The following HOOK1 variants were observed in gnomAD, a reference collection of about 807,000 sequenced individuals.
HOOK1 encodes the protein hook microtubule tethering protein 1.
Under a neutral mutation model 112.8 loss-of-function variants are expected in HOOK1, and 60 were observed. The observed-to-expected ratio is 0.53, with a 90% confidence interval of 0.43 to 0.66. HOOK1 has a LOEUF of 0.66. HOOK1 is among the 30% of genes least tolerant of loss of function. The pLI is 0.00. For missense variants in HOOK1, 770 were observed against 856.0 expected (o/e 0.90, Z 1.25); for synonymous variants, 294 against 283.8 (o/e 1.04, Z -0.36).
chr1:59,845,265 C>A (rs1303005903), intron 9 of HOOK1, among the ~76,000 whole-genome samples: 1 of 152,006 alleles, frequency 6.6e-6, no homozygotes, highest in Non-Finnish European at 1.5e-5. Context: ...TCCCAAACGG[C>A]CCCACCTCTT....
rs115518899 is a variant in HOOK1 at position 59,843,025 on chromosome 1, C to T, written c.622-407C>T. Among the ~76,000 whole-genome samples the T allele has an allele frequency of 4.5e-3, 682 of 152,010 alleles. 4 individuals are homozygous for T. The highest frequency in any genetic ancestry group is 0.016 in the African/African-American group (652 of 41,496). On this transcript the variant is annotated intron_variant, in intron 8 of 21. Transcript: ENST00000371208. ...TTATACTCTCAACCTATCATGATAA[C>T]TTTGAACATATGTGTGTATATTTTG...
At chr1:59,844,908 C>G (rs981783465) in intron 9 of HOOK1, among the ~76,000 whole-genome samples, 2 of 151,884 alleles carry the variant, frequency 1.3e-5, no homozygotes, top group Non-Finnish European at 2.9e-5. Context: ...GATCTTACAC[C>G]TTGAAACTTG....
intron 21 of HOOK1, among the ~76,000 whole-genome samples, chr1:59,871,718 T>A (rs1417915229): frequency 6.6e-6 from 1 of 152,240 alleles, no homozygotes; most frequent in Non-Finnish European, 1.5e-5. Context: ...ATTATTCTAG[T>A]CAGCCAGAAT....
chr1:59,842,994 A>T (rs2098401771), intron 8 of HOOK1, among the ~76,000 whole-genome samples: 1 of 152,022 alleles, frequency 6.6e-6, no homozygotes, highest in Non-Finnish European at 1.5e-5. Context: ...TATGTGACTG[A>T]TAATTTTATA....
intron 9 of HOOK1, among the ~76,000 whole-genome samples, chr1:59,846,539 C>A (rs2098403908): frequency 9.2e-5 from 2 of 21,772 alleles, no homozygotes; most frequent in Non-Finnish European, 1.8e-4. Context: ...TCCTTCCTTC[C>A]TTCCTTCCTT....
In HOOK1 at chr1:59,849,139, A is replaced by G. The variant is rs748146802; in HGVS notation, c.1198A>G (p.Lys400Glu). 5.6e-6 allele frequency: 9 copies of G among 1,609,794 alleles called. No homozygotes were observed. The South Asian group carries it at 7.7e-5, about 14-fold the overall frequency. ...KRADTLAFEMKRLEEKHEALL... is the reference protein window; with the variant it reads ...KRADTLAFEMERLEEKHEALL... Reference sequence around the variant, plus strand: ...GGCAGACACACTAGCGTTTGAAATGAAGCGGCTTGAAGAAAAACATGAAGC... The same window carrying G: ...GGCAGACACACTAGCGTTTGAAATGGAGCGGCTTGAAGAAAAACATGAAGC... Residue 400 changes from lysine to glutamate, a missense_variant, in exon 12 of 22, where the codon AAG (lysine) becomes GAG (glutamate). Physicochemically the swap from Lys to Glu is moderately conservative, Grantham distance 56. Around this residue, in one of 3 missense-constraint regions of HOOK1, gnomAD observed 655 missense variants for 725.9 expected, o/e 0.90. Coordinates refer to ENST00000371208, the MANE Select transcript of HOOK1 (RefSeq NM_015888.6).
At chr1:59,857,346 C>T (rs1026436933) in intron 12 of HOOK1, among the ~76,000 whole-genome samples, 4 of 152,124 alleles carry the variant, frequency 2.6e-5, no homozygotes, top group Non-Finnish European at 5.9e-5. Context: ...GCTGGGGAGA[C>T]GGGAATCATA....
In HOOK1 at chr1:59,826,414, G is replaced by T. The variant is rs2098389980; in HGVS notation, c.150-2366G>T. Among the ~76,000 whole-genome samples, 2 of 152,062 alleles carry T rather than the reference G, an allele frequency of 1.3e-5. 1 individual carries two copies. The highest frequency in any genetic ancestry group is 4.1e-4 in the South Asian group (2 of 4,820). ...AGTTTAATAGTGGAAAAGGTTGACT[G>T]CCATTATAGTTGTTTGAGAAGGGTG... is the stretch of plus-strand genomic sequence containing the variant. On this transcript the variant is annotated intron_variant, in intron 2 of 21. Coordinates refer to ENST00000371208, the MANE Select transcript of HOOK1 (RefSeq NM_015888.6).
At chr1:59,841,679 G>A (rs1352719846) in intron 8 of HOOK1, among the ~76,000 whole-genome samples, 1 of 151,952 alleles carries the variant, frequency 6.6e-6, no homozygotes, top group South Asian at 2.1e-4. Context: ...ATACCTTGTA[G>A]GAAAAACAGA....
At chr1:59,821,793 C>T (rs1201212387) in intron 1 of HOOK1, 65 bp from the exon 2 acceptor site, 6 of 1,103,690 alleles carry the variant, frequency 5.4e-6, no homozygotes, top group Non-Finnish European at 6.3e-6. Flanking sequence ...TTTATGTTTG[C>T]ATTTTGTAAT....
At chr1:59,847,245 T>C (rs1001424917) in intron 10 of HOOK1, 60 bp downstream of exon 10, 4 of 1,374,998 alleles carry the variant, frequency 2.9e-6, no homozygotes, top group Non-Finnish European at 4.0e-6. Context: ...TCAATTTGAG[T>C]ATTTCATATT....
In HOOK1 at chr1:59,868,359, T is replaced by C. The variant is rs943374811; in HGVS notation, c.1947+8T>C. On this transcript the variant is annotated splice_region_variant and intron_variant, in intron 20 of 21. Coordinates refer to ENST00000371208, the MANE Select transcript of HOOK1 (RefSeq NM_015888.6). ...AGAATTGAGATTCTGGAGGTAAAACTTTTATATTTACTCATCTTTTAGTTA... is the reference window on the plus strand; with the variant it reads ...AGAATTGAGATTCTGGAGGTAAAACCTTTATATTTACTCATCTTTTAGTTA... 2.0e-6 allele frequency: 3 copies of C among 1,463,434 alleles called. No individual in the cohort carries two copies. Among genetic ancestry groups the C allele is most frequent in the Non-Finnish European group, 2.9e-6 (3 of 1,046,820 alleles). The allele number at this position is 1,463,434 out of a possible 1,614,324, so 90.7% of individuals were successfully genotyped here.
intron 15 of HOOK1, among the ~76,000 whole-genome samples, chr1:59,860,617 C>T (rs908799898): frequency 1.3e-5 from 2 of 151,898 alleles, no homozygotes. Flanking sequence ...CAGGGTCTCC[C>T]TCTGTCGCCC....
intron 5 of HOOK1, 111 bp downstream of exon 5, chr1:59,833,648 A>G: frequency 1.1e-6 from 1 of 881,324 alleles, no homozygotes; most frequent in Non-Finnish European, 1.6e-6. Flanking sequence ...GCACCCTGAA[A>G]CGTAAACCAG....
chr1:59,852,954 ATTGAT>A (rs2098408022), intron 12 of HOOK1, among the ~76,000 whole-genome samples: 4 of 151,858 alleles, frequency 2.6e-5, no homozygotes, highest in Admixed American at 2.6e-4. Context: ...TCCTTGTGTC[ATTGAT>A]TTATTTAATT....
chr1:59,860,837 G>A (rs1438817892), intron 15 of HOOK1, among the ~76,000 whole-genome samples: 1 of 150,742 alleles, frequency 6.6e-6, no homozygotes, highest in African/African-American at 2.4e-5. Flanking sequence ...GCAGTAGCGC[G>A]ATCTCGGCTC....
rs1553465929 is a variant in HOOK1 at position 59,873,760 on chromosome 1, T to TATAC, written c.*798_*799insCATA. The TATAC allele has an allele frequency of 3.5e-5, 5 of 144,110 alleles. No homozygotes were observed. Among genetic ancestry groups the TATAC allele is most frequent in the Middle Eastern group, 3.4e-3 (1 of 296 alleles). 8.9% of individuals were successfully genotyped at this position (144,110 alleles called of 1,614,324 possible). On this transcript the variant is annotated 3_prime_UTR_variant, in exon 22 of 22. Transcript: ENST00000371208. ...ATATATATATATATATATATATATA[T>TATAC]ATATACTTTTTGTGAAATGTCTATA... is the stretch of plus-strand genomic sequence containing the variant.
intron 6 of HOOK1, among the ~76,000 whole-genome samples, chr1:59,836,142 G>T (rs2098397493): frequency 6.6e-6 from 1 of 151,966 alleles, no homozygotes; most frequent in African/African-American, 2.4e-5. Flanking sequence ...AGATCTGTGA[G>T]CAAATATGGT....
intron 12 of HOOK1, among the ~76,000 whole-genome samples, 185 bp downstream of exon 12, chr1:59,849,368 A>G (rs971869214): frequency 1.2e-4 from 18 of 151,484 alleles, no homozygotes; most frequent in Admixed American, 4.6e-4. Context: ...TTTCTTCACA[A>G]TGTTAGATGA....
Sources: allele counts gnomAD v4.1 joint callset (sites outside exome capture counted in the v4.1 genomes callset), GRCh38; gene constraint gnomAD v4.1.1; regional missense constraint gnomAD v4.1.1; transcripts MANE v1.5; gene names NCBI Gene and HGNC (gene_info 2026-07-23, HGNC 2026-07-21).